The following LAMC1 variants were observed in gnomAD, a reference collection of about 807,000 sequenced individuals.
LAMC1 encodes laminin subunit gamma-1.
Under a neutral mutation model 173.6 loss-of-function variants are expected in LAMC1, and 38 were observed. The observed-to-expected ratio is 0.22, with a 90% CI of 0.17 to 0.29. The LOEUF (loss-of-function observed/expected upper bound fraction) is 0.29. Among genes scored for constraint, LAMC1 ranks in the 10% least tolerant of loss-of-function variants. The pLI is 1.00. For missense variants in LAMC1, 1,824 were observed against 2,051.8 expected (o/e 0.89, Z 2.14); for synonymous variants, 746 against 749.1 (o/e 1.00, Z 0.07).
chr1:183,126,206 A>C lies in LAMC1; in HGVS notation c.2888A>C (p.Gln963Pro). ...QCECQPGITG[Q>P]HCERCEVNHF... ...GAGTGCCAGCCCGGCATCACTGGTC[A>C]GCACTGTGAGCGCTGTGAGGTCAAC... The change falls in exon 16 of 28, where the codon CAG (glutamine) becomes CCG (proline). Residue 963 changes from glutamine (Q) to proline (P), a missense_variant. Transcript: ENST00000258341. 2 of 1,614,210 alleles carry C rather than the reference A, an allele frequency of 1.2e-6. No homozygotes were observed. Among genetic ancestry groups the C allele is most frequent in the Non-Finnish European group, 1.7e-6 (2 of 1,180,026 alleles).
At chr1:183,027,218 A>G (rs1653712568) in intron 1 of LAMC1, among the ~76,000 whole-genome samples, 1 of 152,176 alleles carries the variant, frequency 6.6e-6, no homozygotes, top group Non-Finnish European at 1.5e-5. Context: ...TCGGATAAAA[A>G]GAGTTAAAGT....
In LAMC1 at chr1:183,140,428, G is replaced by T; in HGVS notation, c.4498G>T (p.Glu1500Ter). The T allele has an allele frequency of 6.2e-7, 1 of 1,613,178 alleles. No homozygotes were observed. Among genetic ancestry groups the T allele is most frequent in the Non-Finnish European group, 8.5e-7 (1 of 1,179,602 alleles). The change falls in exon 27 of 28, where the codon GAG (glutamate) becomes TAG (stop). Residue 1500 changes from glutamate (E) to a stop codon, truncating the protein, a stop_gained. Transcript: ENST00000258341. LOFTEE classifies it high-confidence loss of function. ...GGCTTCACAGGCTGCTCAAGAAGCC[G>T]AGATCAATGCCAGAAAAGCCAAAAA... is the stretch of plus-strand genomic sequence containing the variant. ...GMASQAAQEA[E>*]INARKAKNSV...
chr1:183,124,816 C>T lies in LAMC1; in HGVS notation c.2587C>T (p.Arg863Trp), dbSNP rs773515901. Residue 863 changes from arginine (R) to tryptophan (W), a missense_variant, in exon 14 of 28, where the codon CGG becomes TGG. Coordinates refer to ENST00000258341, the MANE Select transcript of LAMC1 (RefSeq NM_002293.4). ...TAACACTGCTGGCTTCTATTGTGAC[C>T]GGTGCAAAGACGGATTTTTTGGAAA... Reference protein sequence around the residue: ...IYNTAGFYCDRCKDGFFGNPL... With the variant: ...IYNTAGFYCDWCKDGFFGNPL... The T allele has an allele frequency of 1.2e-5, 20 of 1,614,134 alleles. No individual in the cohort carries two copies. The highest frequency in any genetic ancestry group is 2.2e-5 in the South Asian group (2 of 91,078).
Position 183,132,502 on chromosome 1 carries a change from T to A in LAMC1, c.3669T>A (p.Asn1223Lys), listed in dbSNP as rs1571463550. ...TTCTGAGGACACTGGCAGGAGAAAA[T>A]CAAACAGCATTTGAGATTGAAGAGC... Reference protein sequence around the residue: ...NLLLRTLAGENQTAFEIEELN... With the variant: ...NLLLRTLAGEKQTAFEIEELN... Residue 1223 changes from asparagine to lysine, a missense_variant, in exon 21 of 28, where the codon AAT (asparagine) becomes AAA (lysine). Transcript: ENST00000258341. The A allele has an allele frequency of 6.2e-7, 1 of 1,613,826 alleles. No homozygotes were observed.
chr1:183,050,804 T>A (rs139410340), intron 1 of LAMC1, among the ~76,000 whole-genome samples: 213 of 148,072 alleles, frequency 1.4e-3, no homozygotes, highest in African/African-American at 5.1e-3. Context: ...GGCAGGAGAA[T>A]CGCTTGAACC....
At chr1:183,045,503 T>G (rs914930254) in intron 1 of LAMC1, among the ~76,000 whole-genome samples, 8 of 152,076 alleles carry the variant, frequency 5.3e-5, no homozygotes, top group African/African-American at 1.9e-4. Context: ...TTCAGTATAT[T>G]TTTGAAGTGT....
rs570966445 is a variant in LAMC1 at position 183,050,518 on chromosome 1, G to A, written c.418+26384G>A. Among the ~76,000 whole-genome samples the A allele has an allele frequency of 4.8e-3, 703 of 145,810 alleles. 2 individuals carry two copies. Among genetic ancestry groups the A allele is most frequent in the African/African-American group, 0.016 (662 of 40,300 alleles). On this transcript the variant is annotated intron_variant, in intron 1 of 27. Transcript: ENST00000258341. ...AGGATGGTCTCGATCTCCTGACCTCGTGATCTGCCCGCCTCGGCCTCCCAA... is the reference window on the plus strand; with the variant it reads ...AGGATGGTCTCGATCTCCTGACCTCATGATCTGCCCGCCTCGGCCTCCCAA...
intron 1 of LAMC1, among the ~76,000 whole-genome samples, chr1:183,044,996 C>T: frequency 6.6e-6 from 1 of 151,668 alleles, no homozygotes; most frequent in East Asian, 1.9e-4. Flanking sequence ...GTAATACTTC[C>T]CTTGTACATT....
At chr1:183,089,157 G>GA (rs1182552153) in intron 1 of LAMC1, among the ~76,000 whole-genome samples, 5 of 152,212 alleles carry the variant, frequency 3.3e-5, no homozygotes, top group Non-Finnish European at 7.3e-5. Context: ...AAGAGAGCCA[G>GA]AAAGGACTTT....
chr1:183,106,252 G>A lies in LAMC1; in HGVS notation c.724-2024G>A, dbSNP rs184488793. ...TCTTATTCAAAGAGAGCTGTGATAA[G>A]GTCGAAGCCTTGTAGAAGATATAAT... On this transcript the variant is annotated intron_variant, in intron 2 of 27. Coordinates refer to ENST00000258341, the MANE Select transcript of LAMC1 (RefSeq NM_002293.4). Among the ~76,000 whole-genome samples the A allele has an allele frequency of 3.3e-4, 51 of 152,332 alleles. 1 individual carries two copies. The highest frequency in any genetic ancestry group is 1.2e-3 in the African/African-American group (49 of 41,570).
chr1:183,082,062 C>T lies in LAMC1; in HGVS notation c.419-21266C>T, dbSNP rs544624968. ...AAGTTTCCTCTGTATCTTTTTGTAG[C>T]GTGATAGCTCATTCTTTTTATCACT... is the stretch of plus-strand genomic sequence containing the variant. On this transcript the variant is annotated intron_variant, in intron 1 of 27. Coordinates refer to ENST00000258341, the MANE Select transcript of LAMC1 (RefSeq NM_002293.4). Among the ~76,000 whole-genome samples the T allele has an allele frequency of 2.0e-4, 30 of 152,256 alleles. No homozygotes were observed. In the East Asian group the frequency reaches 4.4e-3, roughly 23 times the overall value.
chr1:183,136,276 T>G (rs1195414252), intron 24 of LAMC1, 110 bp from the exon 25 acceptor site: 1 of 890,098 alleles, frequency 1.1e-6, no homozygotes, highest in Non-Finnish European at 1.8e-6. Context: ...CTTCCATTTT[T>G]TACCCTGACT....
intron 1 of LAMC1, among the ~76,000 whole-genome samples, chr1:183,033,248 T>G (rs1653890807): frequency 6.6e-6 from 1 of 152,184 alleles, no homozygotes; most frequent in Non-Finnish European, 1.5e-5. Flanking sequence ...ACTGGCTGGT[T>G]TTAATTGAGT....
chr1:183,097,763 A>G (rs558723115), intron 1 of LAMC1, among the ~76,000 whole-genome samples: 1 of 152,320 alleles, frequency 6.6e-6, no homozygotes, highest in South Asian at 2.1e-4. Context: ...CATTCCCTCA[A>G]CCAGCATGAA....
intron 1 of LAMC1, among the ~76,000 whole-genome samples, chr1:183,069,372 A>G (rs1052285864): frequency 3.3e-5 from 5 of 152,228 alleles, no homozygotes; most frequent in African/African-American, 4.8e-5. Context: ...TTAGCTATTC[A>G]TCAATATATG....
chr1:183,032,186 A>G (rs1653865591), intron 1 of LAMC1, among the ~76,000 whole-genome samples: 1 of 152,220 alleles, frequency 6.6e-6, no homozygotes, highest in Non-Finnish European at 1.5e-5. Flanking sequence ...ACGTGGGCCC[A>G]GTCAGCCTGG....
chr1:183,127,577 A>C (rs1025060602), intron 17 of LAMC1, among the ~76,000 whole-genome samples, 173 bp downstream of exon 17: 1 of 152,222 alleles, frequency 6.6e-6, no homozygotes, highest in African/African-American at 2.4e-5. Flanking sequence ...TAAACAAAAC[A>C]AACACTGAGA....
chr1:183,142,712 G>A lies in LAMC1; in HGVS notation c.4752G>A (p.Lys1584=). 6.2e-7 allele frequency: 1 copy of A among 1,614,048 alleles called. No individual in the cohort carries two copies. Among genetic ancestry groups the A allele is most frequent in the Non-Finnish European group, 8.5e-7 (1 of 1,179,948 alleles). Residue 1584 remains lysine, a synonymous_variant, in exon 28 of 28, where the codon AAG becomes AAA. Coordinates refer to ENST00000258341, the MANE Select transcript of LAMC1 (RefSeq NM_002293.4). ...ACCGAGATATCGAGGAGATCATGAA[G>A]GACATTCGCAATCTGGAGGACATCA... ...DYNRDIEEIM[K]DIRNLEDIRK...
At chr1:183,098,436 G>A (rs560170375) in intron 1 of LAMC1, among the ~76,000 whole-genome samples, 13 of 152,190 alleles carry the variant, frequency 8.5e-5, no homozygotes, top group Admixed American at 4.6e-4. Flanking sequence ...CCCTTGTCTT[G>A]TTGTCTTTCT....
Sources: gnomAD v4.1 joint callset for allele counts (sites outside exome capture counted in the v4.1 genomes callset) on GRCh38, gnomAD v4.1.1 for gene constraint, MANE v1.5 for transcripts, NCBI Gene and HGNC (gene_info 2026-07-23, HGNC 2026-07-21) for gene names.